Variants in PNKD observed in about 807,000 individuals in gnomAD.
PNKD encodes the protein PNKD metallo-beta-lactamase domain containing.
A neutral mutation model predicts 45.3 loss-of-function variants in PNKD; 36 were observed. The ratio of observed to expected loss-of-function variants is 0.80; its 90% CI spans 0.61 to 1.05. The LOEUF (loss-of-function observed/expected upper bound fraction) is 1.05, where lower values mean the gene tolerates loss of function less well. PNKD is among the 50% of genes least tolerant of loss of function. The pLI, the probability that PNKD is intolerant of heterozygous loss-of-function variation, is 0.00. For synonymous variants in PNKD, 197 were observed against 210.1 expected (o/e 0.94, Z 0.54); for missense variants, 511 against 506.6 (o/e 1.01, Z -0.08).
chr2:218,279,459 T>C, intron 2 of PNKD: 1 of 1,076,738 alleles, frequency 9.3e-7, no homozygotes, highest in Non-Finnish European at 1.3e-6. Context: ...CCTCCCTAGC[T>C]GCAGCCTGGC....
chr2:218,273,107 C>T (rs549292582), intron 2 of PNKD, among the ~76,000 whole-genome samples: 38 of 152,304 alleles, frequency 2.5e-4, no homozygotes, highest in African/African-American at 8.2e-4. Context: ...CCCTCGGGAC[C>T]AAGCCCTCAG....
chr2:218,307,454 A>T (rs894050333), intron 2 of PNKD, among the ~76,000 whole-genome samples: 2 of 152,160 alleles, frequency 1.3e-5, no homozygotes, highest in Non-Finnish European at 2.9e-5. Flanking sequence ...TTAGATTCTC[A>T]TAAGGAGCAT....
chr2:218,333,413 T>G (rs1434988486), intron 2 of PNKD, among the ~76,000 whole-genome samples: 1 of 152,120 alleles, frequency 6.6e-6, no homozygotes, highest in African/African-American at 2.4e-5. Context: ...TTATCACCCC[T>G]CCCAGATGTG....
chr2:218,337,485 A>G (rs1401786765), intron 2 of PNKD, among the ~76,000 whole-genome samples: 1 of 152,242 alleles, frequency 6.6e-6, no homozygotes, highest in Non-Finnish European at 1.5e-5. Flanking sequence ...TCCTTTCTAT[A>G]TCGCTATTTG....
intron 2 of PNKD, among the ~76,000 whole-genome samples, chr2:218,303,926 C>G (rs1481971617): frequency 6.6e-6 from 1 of 152,008 alleles, no homozygotes; most frequent in African/African-American, 2.4e-5. Context: ...CTCTCCACAT[C>G]CCCCTCCGTC....
intron 2 of PNKD, among the ~76,000 whole-genome samples, chr2:218,330,373 G>A (rs1201587727): frequency 1.3e-5 from 2 of 152,196 alleles, no homozygotes; most frequent in African/African-American, 4.8e-5. Flanking sequence ...CAGAGGGAGG[G>A]GCGTCTGGGG....
chr2:218,332,582 G>T (rs1442102648), intron 2 of PNKD, among the ~76,000 whole-genome samples: 1 of 151,806 alleles, frequency 6.6e-6, no homozygotes, highest in Non-Finnish European at 1.5e-5. Flanking sequence ...CTCCTGCTTT[G>T]CCCAAAGATC....
chr2:218,332,734 G>A (rs1326379309), intron 2 of PNKD, among the ~76,000 whole-genome samples: 1 of 151,120 alleles, frequency 6.6e-6, no homozygotes, highest in Non-Finnish European at 1.5e-5. Flanking sequence ...CCACCTGGAT[G>A]ACTCGGTACC....
chr2:218,271,864 C>T (rs1396176278), intron 2 of PNKD, among the ~76,000 whole-genome samples: 1 of 152,126 alleles, frequency 6.6e-6, no homozygotes, highest in East Asian at 1.9e-4. Context: ...ATCATGTGAG[C>T]TTGTACTAGT....
intron 2 of PNKD, 86 bp from the exon 3 acceptor site, chr2:218,339,697 G>C: frequency 1.3e-6 from 1 of 789,522 alleles, no homozygotes; most frequent in Non-Finnish European, 2.2e-6. Flanking sequence ...CAAAGGAATG[G>C]AGATGTGGGG....
chr2:218,281,933 G>A (rs1409343119), intron 2 of PNKD: 2 of 1,586,282 alleles, frequency 1.3e-6, no homozygotes, highest in Non-Finnish European at 1.7e-6. Context: ...GCCCTTCCAG[G>A]ACTCACCGTA....
chr2:218,344,560 G>A lies in PNKD; in HGVS notation c.974G>A (p.Arg325His), dbSNP rs756621298. 6.9e-6 allele frequency: 11 copies of A among 1,587,540 alleles called. No individual in the cohort carries two copies. Among genetic ancestry groups the A allele is most frequent in the East Asian group, 4.6e-5 (2 of 43,470 alleles). ...TGGGTGCAGCGGCAGCGGCTGGAGCGCAAGGGCACGGTGAGGGACTCGGGG... is the reference window on the plus strand; with the variant it reads ...TGGGTGCAGCGGCAGCGGCTGGAGCACAAGGGCACGGTGAGGGACTCGGGG... ...MQWVQRQRLERKGTCPSTLGE... is the reference protein window; with the variant it reads ...MQWVQRQRLEHKGTCPSTLGE... The change falls in exon 9 of 10, where the codon CGC (arginine) becomes CAC (histidine). Residue 325 changes from arginine to histidine, a missense_variant. Transcript: ENST00000273077.
At chr2:218,289,475 C>CAAACCTG in intron 2 of PNKD, among the ~76,000 whole-genome samples, 1 of 151,918 alleles carries the variant, frequency 6.6e-6, no homozygotes, top group Non-Finnish European at 1.5e-5. Context: ...AACCTCGTCT[C>CAAACCTG]TACTAAAAAT....
In PNKD at chr2:218,338,072, G is replaced by A. The variant is rs567836181; in HGVS notation, c.237-1711G>A. On this transcript the variant is annotated intron_variant, in intron 2 of 9. Transcript: ENST00000273077. ...TGAGGCAGGAGAATCGCCTGAACCT[G>A]GGAGGCAGAGGTTGCAGTGAGCTGA... Among the ~76,000 whole-genome samples the A allele has an allele frequency of 4.6e-5, 7 of 152,084 alleles. No homozygotes were observed. The South Asian group carries it at 6.2e-4, about 14-fold the overall frequency.
chr2:218,311,292 A>C (rs764784898), intron 2 of PNKD, among the ~76,000 whole-genome samples: 1 of 152,340 alleles, frequency 6.6e-6, no homozygotes, highest in Non-Finnish European at 1.5e-5. Context: ...ATTTCTCATC[A>C]GGTGGGACGA....
At chr2:218,335,022 C>T (rs1694446463) in intron 2 of PNKD, among the ~76,000 whole-genome samples, 1 of 152,028 alleles carries the variant, frequency 6.6e-6, no homozygotes, top group Admixed American at 6.6e-5. Context: ...CATGTCTGCT[C>T]ATGCCTGTAG....
rs113996885 is a variant in PNKD, at chr2:218,277,604, C to G, written c.236+6055C>G. On this transcript the variant is annotated intron_variant, in intron 2 of 9. Coordinates refer to ENST00000273077, the MANE Select transcript of PNKD (RefSeq NM_015488.5). ...CCCACTCCCCACAATACACATTTCC[C>G]AAGAGTGGTGCTTTATCCCTGAATG... is the stretch of plus-strand genomic sequence containing the variant. The G allele has an allele frequency of 9.9e-4, 1,591 of 1,614,132 alleles. 13 individuals are homozygous for G. The African/African-American group carries it at 0.018, about 18-fold the overall frequency.
intron 2 of PNKD, among the ~76,000 whole-genome samples, chr2:218,300,654 T>A (rs6712601): frequency 0.052 from 7,950 of 151,926 alleles, 694 homozygotes; most frequent in African/African-American, 0.18. Context: ...CAAGAGATTC[T>A]CCTGCCTCAG....
intron 2 of PNKD, among the ~76,000 whole-genome samples, chr2:218,284,440 A>G (rs11692780): frequency 0.35 from 53,933 of 152,064 alleles, 9,966 homozygotes; most frequent in Middle Eastern, 0.51. Flanking sequence ...AGACCAAGGG[A>G]CTGTGGCAGC....
Sources: gnomAD v4.1 joint callset for allele counts (sites outside exome capture counted in the v4.1 genomes callset) on GRCh38, gnomAD v4.1.1 for gene constraint, MANE v1.5 for transcripts, NCBI Gene and HGNC (gene_info 2026-07-23, HGNC 2026-07-21) for gene names.